The following LRRC53 variants were observed in gnomAD, a reference collection of about 807,000 sequenced individuals.
LRRC53 encodes the protein leucine-rich repeat-containing protein 53.
In LRRC53, 25 loss-of-function variants were observed where a neutral mutation model predicts 13.6. The ratio of observed to expected loss-of-function variants is 1.83; its 90% CI spans 1.34 to 2.56. The LOEUF is 2.56. LRRC53 is among the 30% of genes most tolerant of loss of function. The pLI, the probability that LRRC53 is intolerant of heterozygous loss-of-function variation, is 0.00. For missense variants in LRRC53, 527 were observed against 275.8 expected (o/e 1.91, Z -6.45); for synonymous variants, 204 against 109.8 (o/e 1.86, Z -5.37).
In LRRC53 at chr1:74,470,424, G is replaced by C. The variant is rs1173987331; in HGVS notation, c.3198C>G (p.Pro1066=). 3 of 400,484 alleles carry C rather than the reference G, an allele frequency of 7.5e-6. No individual in the cohort carries two copies. Among genetic ancestry groups the C allele is most frequent in the Non-Finnish European group, 1.3e-5 (3 of 226,178 alleles). 24.8% of individuals were successfully genotyped at this position (400,484 alleles called of 1,614,324 possible). A position where few individuals can be genotyped will look rare whatever the true frequency, so the allele number is the denominator to read the frequency against. The part of the protein sequence containing the change: ...EKGIDSTNAL[P]RNDGTEALEI... ...CTAGTGCTTCAGTGCCGTCATTTCT[G>C]GGCAATGCATTTGTGCTGTCAATTC... is the stretch of plus-strand genomic sequence containing the variant. The change falls in exon 5 of 5, where the codon CCC becomes CCG. Residue 1066 remains proline, a synonymous_variant. Transcript: ENST00000294635.
the LRRC53 span, among the ~76,000 whole-genome samples, chr1:74,523,694 A>G: frequency 6.6e-6 from 1 of 152,234 alleles, no homozygotes; most frequent in Non-Finnish European, 1.5e-5. Context: ...GTAGGTGATC[A>G]ATACCTATTT....
chr1:74,489,134 G>A, intron 1 of LRRC53: 1 of 1,490,972 alleles, frequency 6.7e-7, no homozygotes, highest in Non-Finnish European at 9.2e-7. Flanking sequence ...AACATCCAAA[G>A]AGAGTCTCCT....
chr1:74,469,667 TTAA>T lies in LRRC53; in HGVS notation c.*208_*210del. The T allele has an allele frequency of 2.7e-6, 1 of 375,676 alleles. No homozygotes were observed. Among genetic ancestry groups the T allele is most frequent in the Non-Finnish European group, 4.7e-6 (1 of 211,734 alleles). 23.3% of individuals were successfully genotyped at this position (375,676 alleles called of 1,614,324 possible). On this transcript the variant is annotated 3_prime_UTR_variant, in exon 5 of 5. Transcript: ENST00000294635. ...TCATTCCTTAGAGAAGCATACTCAG[TTAA>T]TTGTGTCAGACGTATCCTATGACTC...
In LRRC53 at chr1:74,499,608, G is replaced by A. The variant is rs781152929; in HGVS notation, c.-27+12918C>T. 5.3e-4 allele frequency among the ~76,000 whole-genome samples: 81 copies of A among 152,032 alleles called. 1 individual carries two copies. Among genetic ancestry groups the A allele is most frequent in the Non-Finnish European group, 1.8e-4 (12 of 68,008 alleles). The stretch of plus-strand genomic sequence containing the variant: ...ATCTCCAGTTTCAGGCATCCACTGG[G>A]GGTCTTGGAATATATCCCTGGTAGA... On this transcript the variant is annotated intron_variant, in intron 1 of 4. Transcript: ENST00000294635.
At chr1:74,526,571 A>G in the LRRC53 span, among the ~76,000 whole-genome samples, 1 of 152,218 alleles carries the variant, frequency 6.6e-6, no homozygotes, top group Non-Finnish European at 1.5e-5. Flanking sequence ...TTAGGTTGCA[A>G]TGAAGGTGAC....
At chr1:74,485,735 C>T (rs181938873) in intron 1 of LRRC53, among the ~76,000 whole-genome samples, 4 of 152,126 alleles carry the variant, frequency 2.6e-5, no homozygotes, top group Admixed American at 6.6e-5. Context: ...GTGCCCTTGC[C>T]GGTTAGGAAA....
the LRRC53 span, among the ~76,000 whole-genome samples, chr1:74,525,450 A>T: frequency 6.6e-6 from 1 of 152,198 alleles, no homozygotes; most frequent in Non-Finnish European, 1.5e-5. Flanking sequence ...GCTCAGTCTG[A>T]TTCACACCCT....
the LRRC53 span, among the ~76,000 whole-genome samples, chr1:74,530,316 A>G: frequency 2.0e-5 from 3 of 152,198 alleles, no homozygotes; most frequent in African/African-American, 7.2e-5. Context: ...GTTTAAGTTG[A>G]GAAAGACTTA....
chr1:74,517,231 A>G (rs952062443), upstream of LRRC53, among the ~76,000 whole-genome samples: 2 of 152,202 alleles, frequency 1.3e-5, no homozygotes, highest in Admixed American at 6.5e-5. Flanking sequence ...AATTTTACAG[A>G]TGGGGACAAA....
At position 74,475,326 on chromosome 1, in the gene LRRC53, T is replaced by C; in HGVS notation, c.1389A>G (p.Gln463=). ...TTCTTATTATATGGTGTTGCAGAGTTTGAGGCTGGACTTCTCCAGGCTCAA... is the reference window on the plus strand; with the variant it reads ...TTCTTATTATATGGTGTTGCAGAGTCTGAGGCTGGACTTCTCCAGGCTCAA... ...WNLEPGEVQP[Q]TLQHHIIRTE... is the part of the protein sequence containing the mutation. The change falls in exon 4 of 5, where the codon CAA becomes CAG. Residue 463 remains glutamine (Q), a synonymous_variant. Coordinates refer to ENST00000294635, the MANE Select transcript of LRRC53 (RefSeq NM_001382280.1). The C allele has an allele frequency of 1.4e-6, 1 of 704,030 alleles. No homozygotes were observed. The highest frequency in any genetic ancestry group is 2.7e-5 in the East Asian group (1 of 37,190). The allele number at this position is 704,030 out of a possible 1,614,324, so 43.6% of individuals were successfully genotyped here. A position where few individuals can be genotyped will look rare whatever the true frequency, so the allele number is the denominator to read the frequency against.
chr1:74,480,716 A>T lies in LRRC53; in HGVS notation c.341T>A (p.Leu114Gln). Residue 114 changes from leucine (L) to glutamine (Q), a missense_variant, in exon 3 of 5, where the codon CTG becomes CAG. Physicochemically the swap from Leu to Gln is moderately radical, Grantham distance 113 (BLOSUM62 -2). Coordinates refer to ENST00000294635, the MANE Select transcript of LRRC53 (RefSeq NM_001382280.1). Reference sequence around the variant, plus strand: ...TAGGGTGCGGAGAGCATTATTGCTCAGCACCAGTACCTGCAGGCTGTGAAG... The same window carrying T: ...TAGGGTGCGGAGAGCATTATTGCTCTGCACCAGTACCTGCAGGCTGTGAAG... The part of the protein sequence containing the change: ...SKLHSLQVLV[L>Q]SNNALRTLRG... 2 of 717,488 alleles carry T rather than the reference A, an allele frequency of 2.8e-6. No homozygotes were observed. 44.4% of individuals were successfully genotyped at this position (717,488 alleles called of 1,614,324 possible).
chr1:74,470,813 T>A lies in LRRC53; in HGVS notation c.2809A>T (p.Thr937Ser). 1 of 400,680 alleles carries A rather than the reference T, an allele frequency of 2.5e-6. No homozygotes were observed. The highest frequency in any genetic ancestry group is 4.4e-6 in the Non-Finnish European group (1 of 226,174). 24.8% of individuals were successfully genotyped at this position (400,680 alleles called of 1,614,324 possible). A position where few individuals can be genotyped will look rare whatever the true frequency, so the allele number is the denominator to read the frequency against. ...NQTQLLDAHK[T>S]DSYNKEYTLD... ...GTGTATTCCTTGTTGTAGCTGTCAG[T>A]CTTGTGAGCATCTAAAAGTTGTGTT... The change falls in exon 5 of 5, where the codon ACT becomes TCT. Residue 937 changes from threonine (T) to serine (S), a missense_variant. Transcript: ENST00000294635.
At chr1:74,485,788 C>T (rs1668727622) in intron 1 of LRRC53, among the ~76,000 whole-genome samples, 1 of 152,122 alleles carries the variant, frequency 6.6e-6, no homozygotes, top group South Asian at 2.1e-4. Flanking sequence ...TGGCAAGCAG[C>T]TGTAGGCATC....
chr1:74,498,174 A>G (rs1346955117), intron 1 of LRRC53, among the ~76,000 whole-genome samples: 1 of 152,208 alleles, frequency 6.6e-6, no homozygotes, highest in Admixed American at 6.5e-5. Flanking sequence ...TAGAAGTTCC[A>G]CTAGTTCCCA....
chr1:74,528,555 A>C, the LRRC53 span, among the ~76,000 whole-genome samples: 2 of 152,310 alleles, frequency 1.3e-5, no homozygotes, highest in Admixed American at 1.3e-4. Context: ...TGATCAAATA[A>C]GTAAATATAT....
At chr1:74,518,831 AATTACCTTACTTT>A in the LRRC53 span, among the ~76,000 whole-genome samples, 15 of 149,294 alleles carry the variant, frequency 1.0e-4, no homozygotes, top group Admixed American at 4.6e-4. Context: ...ATTTAAAACA[AATTACCTTACTTT>A]ATTTTTTATT....
Position 74,471,427 on chromosome 1 carries a change from T to C in LRRC53, c.2195A>G (p.Glu732Gly), listed in dbSNP as rs1414057159. 1 of 400,602 alleles carries C rather than the reference T, an allele frequency of 2.5e-6. No homozygotes were observed. Among genetic ancestry groups the C allele is most frequent in the Non-Finnish European group, 4.4e-6 (1 of 226,164 alleles). 24.8% of individuals were successfully genotyped at this position (400,602 alleles called of 1,614,324 possible). A position where few individuals can be genotyped will look rare whatever the true frequency, so the allele number is the denominator to read the frequency against. Reference sequence around the variant, plus strand: ...CTTTGGGAGACTTGACAAGGATTTTTCTGGATGGACTCTGACTTTTCTAAA... The same window carrying C: ...CTTTGGGAGACTTGACAAGGATTTTCCTGGATGGACTCTGACTTTTCTAAA... The part of the protein sequence containing the change: ...HPFRKVRVHP[E>G]KSLSSLPKQC... The change falls in exon 5 of 5, where the codon GAA becomes GGA. Residue 732 changes from glutamate (E) to glycine (G), a missense_variant. Transcript: ENST00000294635.
At chr1:74,512,869 C>T (rs1570725298), upstream of LRRC53, among the ~76,000 whole-genome samples, 1 of 152,340 alleles carries the variant, frequency 6.6e-6, no homozygotes, top group East Asian at 1.9e-4. Flanking sequence ...AGGAAAACTT[C>T]TCTGTTAACA....
At chr1:74,518,694 T>C in the LRRC53 span, among the ~76,000 whole-genome samples, 1 of 152,150 alleles carries the variant, frequency 6.6e-6, no homozygotes, top group African/African-American at 2.4e-5. Flanking sequence ...TTTTTTAAGC[T>C]CAAAATTATT....
Sources: gnomAD v4.1 joint callset for allele counts (sites outside exome capture counted in the v4.1 genomes callset) on GRCh38, gnomAD v4.1.1 for gene constraint, MANE v1.5 for transcripts, NCBI Gene and HGNC (gene_info 2026-07-23, HGNC 2026-07-21) for gene names.